GABRA2: variants seen among roughly 807,000 people sequenced by gnomAD.
The protein encoded by GABRA2 is gamma-aminobutyric acid type A receptor subunit alpha2.
In GABRA2, 16 loss-of-function variants were observed where a neutral mutation model predicts 48.7. The ratio of observed to expected loss-of-function variants is 0.33; its 90% CI spans 0.22 to 0.50. The LOEUF is 0.50. Among genes scored for constraint, GABRA2 ranks in the 20% least tolerant of loss-of-function variants. GABRA2 has a pLI of 0.98. For synonymous variants in GABRA2, 185 were observed against 184.5 expected (o/e 1.00, Z -0.02); for missense variants, 275 against 535.6 (o/e 0.51, Z 4.80).
At chr4:46,279,534 T>C (rs974515835) in intron 8 of GABRA2, among the ~76,000 whole-genome samples, 1 of 152,134 alleles carries the variant, frequency 6.6e-6, no homozygotes, top group Non-Finnish European at 1.5e-5. Flanking sequence ...CACAACTGTG[T>C]TCTTCCATAT....
chr4:46,341,156 G>C (rs961598809), intron 3 of GABRA2, among the ~76,000 whole-genome samples: 2 of 151,780 alleles, frequency 1.3e-5, no homozygotes, highest in African/African-American at 4.8e-5. Context: ...TTATTATTTA[G>C]ACATTGTTTC....
chr4:46,247,942 G>A lies in GABRA2; in HGVS notation c.*2366C>T, dbSNP rs923300761. 2.0e-5 allele frequency among the ~76,000 whole-genome samples: 3 copies of A among 151,082 alleles called. No individual in the cohort carries two copies. The highest frequency in any genetic ancestry group is 7.3e-5 in the African/African-American group (3 of 41,306). On this transcript the variant is annotated 3_prime_UTR_variant, in exon 10 of 10. Transcript: ENST00000381620. The stretch of plus-strand genomic sequence containing the variant: ...TCCCTAGCACTGAAAAATCTGAACT[G>A]CCAGAATGTCATTGCACTCAAATAA...
In GABRA2 at chr4:46,252,089, T is replaced by C. The variant is rs1325525985; in HGVS notation, c.1060-1485A>G. ...TCTTATTTATTTTAATTAAGAGCTC[T>C]CAAAGTGTTCAAATAAGTTTAAAAA... On this transcript the variant is annotated intron_variant, in intron 9 of 9. Coordinates refer to ENST00000381620, the MANE Select transcript of GABRA2 (RefSeq NM_000807.4). 3.3e-5 allele frequency among the ~76,000 whole-genome samples: 5 copies of C among 151,402 alleles called. No homozygotes were observed. The Admixed American group carries it at 3.3e-4, about 10-fold the overall frequency.
chr4:46,303,379 T>C, intron 8 of GABRA2, 81 bp downstream of exon 8: 3 of 1,369,858 alleles, frequency 2.2e-6, no homozygotes, highest in Non-Finnish European at 3.1e-6. Context: ...AATAATTAGT[T>C]TGAGGATCAA....
intron 3 of GABRA2, among the ~76,000 whole-genome samples, chr4:46,377,397 G>T (rs1258461556): frequency 1.3e-5 from 2 of 151,334 alleles, no homozygotes; most frequent in Admixed American, 1.3e-4. Flanking sequence ...GCCCCGTCCG[G>T]GATGTGAGGA....
intron 8 of GABRA2, among the ~76,000 whole-genome samples, chr4:46,285,806 C>T (rs1164068468): frequency 6.6e-6 from 1 of 151,812 alleles, no homozygotes; most frequent in Admixed American, 6.6e-5. Flanking sequence ...TTTATTTTCA[C>T]ATTTGGCCAT....
chr4:46,364,714 T>G (rs896634938), intron 3 of GABRA2: 1 of 152,242 alleles, frequency 6.6e-6, no homozygotes, highest in African/African-American at 2.4e-5. Context: ...CCCTCATGTT[T>G]TAAATATCCT....
At chr4:46,375,339 T>G (rs1330019539) in intron 3 of GABRA2, among the ~76,000 whole-genome samples, 1 of 152,208 alleles carries the variant, frequency 6.6e-6, no homozygotes, top group Non-Finnish European at 1.5e-5. Context: ...TCCAGAATTC[T>G]GTGTTAACAA....
intron 8 of GABRA2, among the ~76,000 whole-genome samples, chr4:46,291,044 T>TTC (rs1300119719): frequency 1.3e-5 from 2 of 152,226 alleles, no homozygotes; most frequent in African/African-American, 4.8e-5. Context: ...GTATATAGTT[T>TTC]TCTTCAGGTA....
intron 8 of GABRA2, chr4:46,303,226 A>G: frequency 2.0e-6 from 1 of 490,792 alleles, no homozygotes; most frequent in South Asian, 3.0e-5. Flanking sequence ...ATTTAACAGA[A>G]AGAAGACTAA....
intron 4 of GABRA2, among the ~76,000 whole-genome samples, chr4:46,322,495 A>G (rs577349716): frequency 6.6e-6 from 1 of 151,984 alleles, no homozygotes; most frequent in South Asian, 2.1e-4. Flanking sequence ...TGCTGCCACA[A>G]TAATGACATA....
chr4:46,284,665 A>G (rs1722180042), intron 8 of GABRA2, among the ~76,000 whole-genome samples: 1 of 152,156 alleles, frequency 6.6e-6, no homozygotes, highest in Admixed American at 6.6e-5. Context: ...TACACATTCT[A>G]ATTTTAACTT....
intron 9 of GABRA2, among the ~76,000 whole-genome samples, 174 bp from the exon 10 acceptor site, chr4:46,250,778 G>A (rs369626513): frequency 7.9e-5 from 12 of 151,526 alleles, no homozygotes; most frequent in Admixed American, 5.3e-4. Flanking sequence ...AATCCATTAC[G>A]GTGAGAAAAC....
intron 8 of GABRA2, among the ~76,000 whole-genome samples, chr4:46,280,493 T>A (rs562996917): frequency 5.3e-5 from 8 of 152,284 alleles, no homozygotes; most frequent in South Asian, 4.1e-4. Context: ...GACTTACTGA[T>A]TTCTGAAGAG....
chr4:46,262,497 T>C (rs1717185053), intron 8 of GABRA2, among the ~76,000 whole-genome samples: 1 of 152,168 alleles, frequency 6.6e-6, no homozygotes, highest in African/African-American at 2.4e-5. Flanking sequence ...ATATATATTT[T>C]TGAAATCTTA....
At chr4:46,358,532 A>T (rs1736366129) in intron 3 of GABRA2, among the ~76,000 whole-genome samples, 1 of 152,210 alleles carries the variant, frequency 6.6e-6, no homozygotes, top group Admixed American at 6.5e-5. Context: ...AAATATATTT[A>T]TGAAGTTAAC....
intron 8 of GABRA2, among the ~76,000 whole-genome samples, chr4:46,296,655 G>A (rs1185052078): frequency 7.8e-6 from 1 of 128,126 alleles, no homozygotes; most frequent in African/African-American, 3.0e-5. Flanking sequence ...TCTATCAGGG[G>A]GAAAAAAAAA....
chr4:46,246,750 A>G lies in GABRA2; in HGVS notation c.*3558T>C, dbSNP rs566825105. On this transcript the variant is annotated 3_prime_UTR_variant, in exon 10 of 10. Coordinates refer to ENST00000381620, the MANE Select transcript of GABRA2 (RefSeq NM_000807.4). ...CATAACCTCATATTTCCAAGTAAAT[A>G]ATAAATATGTCTGTGTTTCACAGAC... Among the ~76,000 whole-genome samples the G allele has an allele frequency of 6.6e-6, 1 of 151,416 alleles. No homozygotes were observed. Among genetic ancestry groups the G allele is most frequent in the Admixed American group, 6.6e-5 (1 of 15,138 alleles).
chr4:46,330,611 T>G (rs34373087), intron 4 of GABRA2, among the ~76,000 whole-genome samples: 1,943 of 105,856 alleles, frequency 0.018, 29 homozygotes, highest in South Asian at 0.078. Flanking sequence ...GAGAGAGAGA[T>G]GTTTTAGGTA....
Sources: gnomAD v4.1 joint callset for allele counts (sites outside exome capture counted in the v4.1 genomes callset) on GRCh38, gnomAD v4.1.1 for gene constraint, MANE v1.5 for transcripts, NCBI Gene and HGNC (gene_info 2026-07-23, HGNC 2026-07-21) for gene names.